Variants in FNTB observed in about 807,000 individuals in gnomAD.
The protein encoded by FNTB is farnesyltransferase, CAAX box, subunit beta, also known as protein farnesyltransferase subunit beta.
Under a neutral mutation model 59.4 loss-of-function variants are expected in FNTB, and 27 were observed. The observed-to-expected ratio is 0.45, with a 90% CI of 0.34 to 0.63. The LOEUF (loss-of-function observed/expected upper bound fraction) is 0.63, where lower values mean the gene tolerates loss of function less well. Among genes scored for constraint, FNTB ranks in the 20% least tolerant of loss-of-function variants. The probability of loss-of-function intolerance (pLI) is 0.02; values close to 1 mark genes in which losing one functional copy is unlikely to be tolerated. For synonymous variants in FNTB, 230 were observed against 220.7 expected (o/e 1.04, Z -0.37); for missense variants, 449 against 559.6 (o/e 0.80, Z 1.99).
chr14:65,023,330 A>G lies in FNTB; in HGVS notation c.375-4123A>G, dbSNP rs1254843657. ...TCACCTCAGCCAAAGTGCTGGGATT[A>G]CAGGCATGAGCCACCACGCCTGGCC... On this transcript the variant is annotated intron_variant, in intron 4 of 11. Coordinates refer to ENST00000246166, the MANE Select transcript of FNTB (RefSeq NM_002028.4). The surrounding 1 kb of genome is among the most constrained non-coding windows in gnomAD (Gnocchi z 4.1). Among the ~76,000 whole-genome samples, 1 of 152,220 alleles carries G rather than the reference A, an allele frequency of 6.6e-6. No homozygotes were observed. Among genetic ancestry groups the G allele is most frequent in the Non-Finnish European group, 1.5e-5 (1 of 68,044 alleles).
rs2062019004 is a variant in FNTB, at chr14:65,028,234, G to A, written c.605+453G>A. ...AGGCACATGAGAGTTTTTCTGGGAG[G>A]TGCAGAGAGCCTTGTGGGCCGGGAG... On this transcript the variant is annotated intron_variant, in intron 6 of 11. Coordinates refer to ENST00000246166, the MANE Select transcript of FNTB (RefSeq NM_002028.4). This position sits in a 1 kb window ranked among gnomAD's most constrained non-coding sequence, Gnocchi z 4.4. Among the ~76,000 whole-genome samples, 1 of 152,146 alleles carries A rather than the reference G, an allele frequency of 6.6e-6. No homozygotes were observed. The highest frequency in any genetic ancestry group is 2.4e-5 in the African/African-American group (1 of 41,434).
At chr14:65,026,021 A>G (rs2061973187) in intron 4 of FNTB, among the ~76,000 whole-genome samples, 1 of 152,242 alleles carries the variant, frequency 6.6e-6, no homozygotes, top group Non-Finnish European at 1.5e-5. Context: ...GAAAGCAATT[A>G]AATGTGATGT....
rs773076374 is a variant in FNTB at position 65,029,525 on chromosome 14, C to A, written c.605+1744C>A. ...TCCAGTGTATTGTAAAAAATCAAAT[C>A]ACAGTGAACTCATAGCAAGCACTAT... On this transcript the variant is annotated intron_variant, in intron 6 of 11. Transcript: ENST00000246166. The surrounding 1 kb of genome is among the most constrained non-coding windows in gnomAD (Gnocchi z 4.7). 3.3e-5 allele frequency among the ~76,000 whole-genome samples: 5 copies of A among 152,190 alleles called. No individual in the cohort carries two copies. Among genetic ancestry groups the A allele is most frequent in the Non-Finnish European group, 7.3e-5 (5 of 68,036 alleles).
chr14:65,051,503 C>T (rs1448237130), intron 9 of FNTB, among the ~76,000 whole-genome samples: 5 of 151,616 alleles, frequency 3.3e-5, no homozygotes, highest in South Asian at 4.2e-4. Context: ...CCCAGCTACT[C>T]GGGAGGCTGA....
intron 11 of FNTB, among the ~76,000 whole-genome samples, chr14:65,057,544 T>G (rs932749345): frequency 6.6e-6 from 1 of 152,210 alleles, no homozygotes; most frequent in Non-Finnish European, 1.5e-5. Flanking sequence ...TTAAGGAATC[T>G]CTACCATTTT....
At chr14:65,008,913 A>G (rs1008721318) in intron 2 of FNTB, among the ~76,000 whole-genome samples, 2 of 152,128 alleles carry the variant, frequency 1.3e-5, no homozygotes, top group Admixed American at 6.5e-5. Flanking sequence ...AGATTTACCC[A>G]CTTGCTCTCC....
In FNTB at chr14:65,013,405, C is replaced by T. The variant is rs116578422; in HGVS notation, c.282+1016C>T. 3.4e-3 allele frequency among the ~76,000 whole-genome samples: 523 copies of T among 152,106 alleles called. 3 individuals carry two copies. The highest frequency in any genetic ancestry group is 0.012 in the African/African-American group (508 of 41,454). The stretch of plus-strand genomic sequence containing the variant: ...TCCTGACAAATGTTGCAGCTACTAC[C>T]AGTTAAACAATACACATCCATGGGC... On this transcript the variant is annotated intron_variant, in intron 3 of 11. Coordinates refer to ENST00000246166, the MANE Select transcript of FNTB (RefSeq NM_002028.4).
At chr14:64,996,344 A>T (rs1888396202) in intron 1 of FNTB, among the ~76,000 whole-genome samples, 1 of 152,040 alleles carries the variant, frequency 6.6e-6, no homozygotes, top group Non-Finnish European at 1.5e-5. Flanking sequence ...AAGAAAAGAA[A>T]CATCTAGCCT....
intron 11 of FNTB, among the ~76,000 whole-genome samples, chr14:65,058,254 G>A (rs1486993120): frequency 1.4e-5 from 2 of 146,348 alleles, no homozygotes; most frequent in Non-Finnish European, 1.5e-5. Flanking sequence ...TAAAGGACTA[G>A]CATTTTTTTT....
intron 1 of FNTB, among the ~76,000 whole-genome samples, chr14:64,988,440 T>A (rs1777569800): frequency 6.7e-6 from 1 of 149,944 alleles, no homozygotes; most frequent in South Asian, 2.1e-4. Context: ...ACTATGGGAT[T>A]GCCTTTTTTT....
chr14:65,008,293 G>A (rs557067326), intron 2 of FNTB, among the ~76,000 whole-genome samples: 3 of 152,176 alleles, frequency 2.0e-5, no homozygotes, highest in African/African-American at 2.4e-5. Flanking sequence ...CCCAGGTTTG[G>A]GGGGAGGAAG....
intron 3 of FNTB, among the ~76,000 whole-genome samples, chr14:65,013,864 A>C (rs2061725323): frequency 6.6e-6 from 1 of 152,174 alleles, no homozygotes; most frequent in Non-Finnish European, 1.5e-5. Flanking sequence ...TCTTATTTAA[A>C]TCTTGTAACT....
intron 7 of FNTB, among the ~76,000 whole-genome samples, chr14:65,037,934 G>A (rs1555335967): frequency 6.6e-6 from 1 of 151,348 alleles, no homozygotes; most frequent in South Asian, 2.1e-4. Context: ...CGTGCGCCAC[G>A]ACACCCAGCT....
chr14:65,012,415 G>A lies in FNTB; in HGVS notation c.282+26G>A. On this transcript the variant is annotated intron_variant, in intron 3 of 11. Transcript: ENST00000246166. This position sits in a 1 kb window ranked among gnomAD's most constrained non-coding sequence, Gnocchi z 5.0. ...GTAAACACATTACCCAGGAACTCTTGCTGTCAAATTATCCACCAAATCCTC... is the reference window on the plus strand; with the variant it reads ...GTAAACACATTACCCAGGAACTCTTACTGTCAAATTATCCACCAAATCCTC... The A allele has an allele frequency of 6.2e-7, 1 of 1,613,716 alleles. No individual in the cohort carries two copies.
At chr14:65,003,985 A>C (rs1385690553) in intron 1 of FNTB, among the ~76,000 whole-genome samples, 1 of 152,200 alleles carries the variant, frequency 6.6e-6, no homozygotes, top group Non-Finnish European at 1.5e-5. Flanking sequence ...GTGCCAGGGA[A>C]CCAAACACCA....
intron 9 of FNTB, among the ~76,000 whole-genome samples, chr14:65,045,097 GTAGT>G (rs2062446237): frequency 6.6e-6 from 1 of 152,168 alleles, no homozygotes; most frequent in Non-Finnish European, 1.5e-5. Context: ...CAAAACCGAA[GTAGT>G]TAGTGAGCAA....
At chr14:65,008,676 TA>T (rs971689540) in intron 2 of FNTB, among the ~76,000 whole-genome samples, 7 of 152,300 alleles carry the variant, frequency 4.6e-5, no homozygotes, top group African/African-American at 1.7e-4. Flanking sequence ...CAGCATGTGC[TA>T]AAGCCAGGAG....
At chr14:65,025,989 G>A (rs1035737928) in intron 4 of FNTB, among the ~76,000 whole-genome samples, 1 of 152,154 alleles carries the variant, frequency 6.6e-6, no homozygotes, top group Non-Finnish European at 1.5e-5. Flanking sequence ...TTCTCTGCCC[G>A]GATAATGGGA....
At chr14:65,043,379 A>G (rs1303132429) in intron 8 of FNTB, among the ~76,000 whole-genome samples, 1 of 152,242 alleles carries the variant, frequency 6.6e-6, no homozygotes, top group Non-Finnish European at 1.5e-5. Flanking sequence ...AGATTTTCTT[A>G]TATCAGCCAC....
Sources: allele counts gnomAD v4.1 joint callset (sites outside exome capture counted in the v4.1 genomes callset), GRCh38; gene constraint gnomAD v4.1.1; non-coding constraint Gnocchi (gnomAD v3.1); transcripts MANE v1.5; gene names NCBI Gene and HGNC (gene_info 2026-07-23, HGNC 2026-07-21).